ZNF143: variants seen among roughly 807,000 people sequenced by gnomAD.
ZNF143 encodes zinc finger protein 143, also known as SPH-binding factor.
In ZNF143, 49 loss-of-function variants were observed where a neutral mutation model predicts 74.1. That is an observed-to-expected ratio of 0.66 (90% CI 0.53 to 0.84). The LOEUF is 0.84. ZNF143 is among the 40% of genes least tolerant of loss of function. ZNF143 has a pLI of 0.00. For synonymous variants in ZNF143, 304 were observed against 282.8 expected, an observed-to-expected ratio of 1.07 and a Z score of -0.75; for missense variants, 637 against 793.4, an observed-to-expected ratio of 0.80 and a Z score of 2.37.
At chr11:9,472,378 A>G (rs954325462) in intron 2 of ZNF143, among the ~76,000 whole-genome samples, 1 of 152,042 alleles carries the variant, frequency 6.6e-6, no homozygotes, top group Non-Finnish European at 1.5e-5. Context: ...TCAGCCTCCC[A>G]AGTAGCTGGG....
chr11:9,500,492 G>A (rs963123079), intron 10 of ZNF143, among the ~76,000 whole-genome samples: 3 of 151,762 alleles, frequency 2.0e-5, no homozygotes, highest in African/African-American at 7.3e-5. Flanking sequence ...GGAGTGCAAC[G>A]GTGTAATCTC....
intron 14 of ZNF143, among the ~76,000 whole-genome samples, chr11:9,520,596 G>A (rs928563051): frequency 1.4e-4 from 22 of 151,972 alleles, no homozygotes; most frequent in Admixed American, 9.8e-4. Flanking sequence ...TTCGAGACCA[G>A]CCTGGCCAGC....
intron 11 of ZNF143, 95 bp from the exon 12 acceptor site, chr11:9,508,524 T>C: frequency 8.9e-6 from 10 of 1,119,838 alleles, no homozygotes; most frequent in Non-Finnish European, 1.3e-5. Context: ...GGCAATTCTT[T>C]ATTTTTAGAG....
chr11:9,487,268 C>T (rs1020036862), intron 7 of ZNF143, among the ~76,000 whole-genome samples: 2 of 151,586 alleles, frequency 1.3e-5, no homozygotes, highest in Admixed American at 1.3e-4. Context: ...CACCTGGCCA[C>T]AGTATGTCCT....
intron 1 of ZNF143, among the ~76,000 whole-genome samples, chr11:9,467,328 C>T (rs1022835461): frequency 9.2e-5 from 14 of 151,718 alleles, no homozygotes; most frequent in African/African-American, 2.7e-4. Flanking sequence ...CTCCACCCTC[C>T]GGGTTCAAGT....
intron 1 of ZNF143, among the ~76,000 whole-genome samples, chr11:9,463,415 A>G (rs1309671458): frequency 6.6e-6 from 1 of 152,212 alleles, no homozygotes; most frequent in South Asian, 2.1e-4. Context: ...TAAAGGTTCC[A>G]GTTTCTCCAT....
At chr11:9,471,482 T>A (rs1856563998) in intron 2 of ZNF143, 62 bp downstream of exon 2, 5 of 1,239,312 alleles carry the variant, frequency 4.0e-6, no homozygotes, top group African/African-American at 1.5e-5. Context: ...AGAAAAAAAA[T>A]TTACAACTTC....
chr11:9,498,265 CAGGGTG>C (rs1312022318), intron 10 of ZNF143, among the ~76,000 whole-genome samples: 1 of 152,224 alleles, frequency 6.6e-6, no homozygotes, highest in African/African-American at 2.4e-5. Context: ...TGCTGCTTTT[CAGGGTG>C]AGGGCTCATA....
intron 9 of ZNF143, among the ~76,000 whole-genome samples, chr11:9,497,396 A>T (rs546979783): frequency 6.6e-6 from 1 of 151,792 alleles, no homozygotes; most frequent in Admixed American, 6.6e-5. Context: ...CACCCAGAAA[A>T]TTTTTTGCAT....
intron 12 of ZNF143, among the ~76,000 whole-genome samples, chr11:9,510,545 G>T (rs1848505155): frequency 6.6e-6 from 1 of 152,138 alleles, no homozygotes; most frequent in African/African-American, 2.4e-5. Context: ...TCTCTCACAT[G>T]ATCCACTGGG....
chr11:9,496,839 C>T (rs927690588), intron 9 of ZNF143, among the ~76,000 whole-genome samples: 1 of 152,046 alleles, frequency 6.6e-6, no homozygotes, highest in Non-Finnish European at 1.5e-5. Context: ...CTCAAGTAAT[C>T]CGTCCGCCTC....
intron 11 of ZNF143, among the ~76,000 whole-genome samples, chr11:9,506,449 A>G (rs1848367862): frequency 6.6e-6 from 1 of 152,390 alleles, no homozygotes; most frequent in Admixed American, 6.5e-5. Context: ...AAGTTTGGCC[A>G]TACTGATGTC....
At chr11:9,522,394 A>G (rs1848964655) in intron 14 of ZNF143, among the ~76,000 whole-genome samples, 1 of 152,062 alleles carries the variant, frequency 6.6e-6, no homozygotes, top group South Asian at 2.1e-4. Flanking sequence ...TCTGGGGAAA[A>G]AAAAAAAAAT....
intron 1 of ZNF143, chr11:9,461,985 T>C (rs1855888122): frequency 6.6e-6 from 1 of 152,224 alleles, no homozygotes; most frequent in Admixed American, 6.5e-5. Flanking sequence ...TGTGGTCGGC[T>C]TTGTCCTGAA....
intron 14 of ZNF143, among the ~76,000 whole-genome samples, chr11:9,521,516 A>G (rs1014799092): frequency 2.0e-5 from 3 of 151,794 alleles, no homozygotes; most frequent in Admixed American, 6.6e-5. Context: ...TGATAGAGTT[A>G]ATTAGGACAC....
chr11:9,514,110 C>T (rs1848644813), intron 13 of ZNF143, among the ~76,000 whole-genome samples: 1 of 152,072 alleles, frequency 6.6e-6, no homozygotes, highest in African/African-American at 2.4e-5. Context: ...GTTATCCAGG[C>T]TGGTCTTGAA....
In ZNF143 at chr11:9,472,717, A is replaced by T; in HGVS notation, c.153A>T (p.Gln51His). ...AAAATATGGAAGGCGTAAGCTTGCA[A>T]GCAGTAACACTTGCAGATGGTTCTA... ...NLENMEGVSLQAVTLADGSTA... is the reference protein window; with the variant it reads ...NLENMEGVSLHAVTLADGSTA... The change falls in exon 3 of 16, where the codon CAA becomes CAT. Residue 51 changes from glutamine to histidine, a missense_variant. Gln to His is a conservative substitution (Grantham distance 24). Around this residue, in one of 2 missense-constraint regions of ZNF143, gnomAD observed 293 missense variants for 307.8 expected, o/e 0.95. Transcript: ENST00000396602. 6.2e-7 allele frequency: 1 copy of T among 1,605,508 alleles called. No homozygotes were observed. The highest frequency in any genetic ancestry group is 8.5e-7 in the Non-Finnish European group (1 of 1,177,478).
chr11:9,477,724 A>G (rs572382082), intron 5 of ZNF143, among the ~76,000 whole-genome samples: 4 of 152,184 alleles, frequency 2.6e-5, no homozygotes, highest in East Asian at 1.9e-4. Flanking sequence ...AAAAACCACC[A>G]TGGAGGGACT....
At chr11:9,509,970 T>G (rs1398540281) in intron 12 of ZNF143, among the ~76,000 whole-genome samples, 5 of 152,170 alleles carry the variant, frequency 3.3e-5, no homozygotes, top group African/African-American at 7.2e-5. Flanking sequence ...AGGAAGTAAA[T>G]AAGAAGATCC....
Sources: allele counts gnomAD v4.1 joint callset (sites outside exome capture counted in the v4.1 genomes callset), GRCh38; gene constraint gnomAD v4.1.1; regional missense constraint gnomAD v4.1.1; transcripts MANE v1.5; gene names NCBI Gene and HGNC (gene_info 2026-07-23, HGNC 2026-07-21).